Variants in ZNF224 observed in about 807,000 individuals in gnomAD.
ZNF224 encodes the protein bone marrow zinc finger 2.
ZNF224 carries 8 observed loss-of-function variants against 10.5 expected under a neutral mutation model. The observed-to-expected ratio is 0.76, with a 90% CI of 0.45 to 1.37. ZNF224 has a LOEUF of 1.37. ZNF224 is among the 40% of genes most tolerant of loss of function. ZNF224 has a pLI of 0.00. For missense variants in ZNF224, 754 were observed against 854.0 expected, an observed-to-expected ratio of 0.88 and a Z score of 1.46; for synonymous variants, 282 against 287.8, an observed-to-expected ratio of 0.98 and a Z score of 0.20.
intron 4 of ZNF224, 75 bp from the exon 5 acceptor site, chr19:44,101,058 A>G (rs1419397098): frequency 3.1e-6 from 5 of 1,610,634 alleles, no homozygotes; most frequent in Non-Finnish European, 4.2e-6. Context: ...GTAAGAACCT[A>G]AATTTCTGGT....
chr19:44,095,041 A>G, intron 1 of ZNF224: 1 of 215,288 alleles, frequency 4.6e-6, no homozygotes, highest in South Asian at 8.4e-5. Flanking sequence ...GGAGCATTTA[A>G]CTTTTATGGG....
intron 5 of ZNF224, among the ~76,000 whole-genome samples, chr19:44,101,974 C>T (rs761481249): frequency 6.6e-6 from 1 of 152,168 alleles, no homozygotes; most frequent in Non-Finnish European, 1.5e-5. Flanking sequence ...TTTGATCACT[C>T]CTGGATAATC....
At position 44,108,594 on chromosome 19, in the gene ZNF224, A is replaced by G. The variant is rs1315101377; in HGVS notation, c.*310A>G. 1.5e-5 allele frequency: 7 copies of G among 455,658 alleles called. No individual in the cohort carries two copies. The Admixed American group carries it at 1.9e-4, about 13-fold the overall frequency. 28.2% of individuals were successfully genotyped at this position (455,658 alleles called of 1,614,324 possible). ...CAGAAGTTTGATAATTACAGCTATCATTCAGGAGACAGGCCTTAGAAAGAG... is the reference window on the plus strand; with the variant it reads ...CAGAAGTTTGATAATTACAGCTATCGTTCAGGAGACAGGCCTTAGAAAGAG... On this transcript the variant is annotated 3_prime_UTR_variant, in exon 6 of 6. Transcript: ENST00000693561.
Position 44,108,308 on chromosome 19 carries a change from TTCAC to T in ZNF224, c.*28_*31del. The stretch of plus-strand genomic sequence containing the variant: ...AGTGATGTGATGGTGCAATAAAGTC[TTCAC>T]TCAGTCTTCATGAATGCAGTCTCAT... On this transcript the variant is annotated 3_prime_UTR_variant, in exon 6 of 6. Coordinates refer to ENST00000693561, the MANE Select transcript of ZNF224 (RefSeq NM_001321645.3). 6.3e-7 allele frequency: 1 copy of T among 1,579,774 alleles called. No homozygotes were observed. The highest frequency in any genetic ancestry group is 8.6e-7 in the Non-Finnish European group (1 of 1,163,490).
At chr19:44,103,701 AT>A (rs1042442080) in intron 5 of ZNF224, among the ~76,000 whole-genome samples, 1 of 150,168 alleles carries the variant, frequency 6.7e-6, no homozygotes, top group African/African-American at 2.5e-5. Context: ...TTCTTTTTTT[AT>A]TTTTTTGAGA....
rs1967782897 is a variant in ZNF224 at position 44,109,429 on chromosome 19, A to G, written c.*1145A>G. ...CAACGCTATGAAACAGGAAGAGAAA[A>G]TGGAGTTTGGTAATTTCATCAAATA... On this transcript the variant is annotated 3_prime_UTR_variant, in exon 6 of 6. Coordinates refer to ENST00000693561, the MANE Select transcript of ZNF224 (RefSeq NM_001321645.3). 1 of 152,162 alleles carries G rather than the reference A, an allele frequency of 6.6e-6. No individual in the cohort carries two copies. Among genetic ancestry groups the G allele is most frequent in the Non-Finnish European group, 1.5e-5 (1 of 68,040 alleles). 9.4% of individuals were successfully genotyped at this position (152,162 alleles called of 1,614,324 possible).
chr19:44,096,276 A>G (rs959639075), intron 1 of ZNF224, 67 bp from the exon 2 acceptor site: 1 of 152,104 alleles, frequency 6.6e-6, no homozygotes, highest in African/African-American at 2.4e-5. Flanking sequence ...AGAAATTCTT[A>G]TTTACTCTTT....
chr19:44,100,047 A>G (rs2147525425), intron 3 of ZNF224, among the ~76,000 whole-genome samples: 1 of 152,328 alleles, frequency 6.6e-6, no homozygotes, highest in South Asian at 2.1e-4. Flanking sequence ...ACAATAATTG[A>G]CAAAAATAAA....
rs182800866 is a variant in ZNF224 at position 44,101,732 on chromosome 19, A to T, written c.235+507A>T. Among the ~76,000 whole-genome samples the T allele has an allele frequency of 1.7e-3, 266 of 152,282 alleles. 3 individuals are homozygous for T. The South Asian group carries it at 0.03, about 17-fold the overall frequency. On this transcript the variant is annotated intron_variant, in intron 5 of 5. Coordinates refer to ENST00000693561, the MANE Select transcript of ZNF224 (RefSeq NM_001321645.3). Reference sequence around the variant, plus strand: ...TTGTGTTCTTTAGGGATGAAGTCTGATACATCTCACTGGGCAATTATCAAG... The same window carrying T: ...TTGTGTTCTTTAGGGATGAAGTCTGTTACATCTCACTGGGCAATTATCAAG...
Position 44,108,657 on chromosome 19 carries a change from G to A in ZNF224, c.*373G>A. Reference sequence around the variant, plus strand: ...AATTTACCAGACTAATGGTGGACATGTCCAAATTGATGTCCACTAGAATGT... The same window carrying A: ...AATTTACCAGACTAATGGTGGACATATCCAAATTGATGTCCACTAGAATGT... On this transcript the variant is annotated 3_prime_UTR_variant, in exon 6 of 6. Transcript: ENST00000693561. 1.9e-6 allele frequency: 1 copy of A among 518,686 alleles called. No homozygotes were observed. The highest frequency in any genetic ancestry group is 1.4e-5 in the South Asian group (1 of 70,506). 32.1% of individuals were successfully genotyped at this position (518,686 alleles called of 1,614,324 possible). A position where few individuals can be genotyped will look rare whatever the true frequency, so the allele number is the denominator to read the frequency against.
chr19:44,100,721 C>A, intron 3 of ZNF224, 80 bp from the exon 4 acceptor site: 1 of 1,512,724 alleles, frequency 6.6e-7, no homozygotes, highest in Middle Eastern at 1.8e-4. Flanking sequence ...TCCCACCCCT[C>A]CCCTCTGTCT....
At chr19:44,106,351 C>A in intron 5 of ZNF224, 45 bp from the exon 6 acceptor site, 1 of 1,598,716 alleles carries the variant, frequency 6.3e-7, no homozygotes, top group East Asian at 2.2e-5. Context: ...TAACACTGAA[C>A]AAAGGCTTCA....
rs371622770 is a variant in ZNF224 at position 44,107,192 on chromosome 19, C to G, written c.1032C>G (p.Tyr344Ter). The G allele has an allele frequency of 6.2e-7, 1 of 1,605,818 alleles. No homozygotes were observed. The highest frequency in any genetic ancestry group is 1.1e-5 in the South Asian group (1 of 89,750). The stretch of plus-strand genomic sequence containing the variant: ...TGATCCACACAGGAGAGAAACCATA[C>G]AAATGTGAGGAGTGTGGAAAAGGCT... ...HRMIHTGEKP[Y>*]KCEECGKGFI... The change falls in exon 6 of 6, where the codon TAC becomes TAG. Residue 344 changes from tyrosine (Y) to a stop codon, truncating the protein, a stop_gained. Coordinates refer to ENST00000693561, the MANE Select transcript of ZNF224 (RefSeq NM_001321645.3). LOFTEE classifies it low-confidence loss of function (END_TRUNC).
rs565275124 is a variant in ZNF224, at chr19:44,108,649, G to A, written c.*365G>A. On this transcript the variant is annotated 3_prime_UTR_variant, in exon 6 of 6. Coordinates refer to ENST00000693561, the MANE Select transcript of ZNF224 (RefSeq NM_001321645.3). ...AGTTCATGAATTTACCAGACTAATG[G>A]TGGACATGTCCAAATTGATGTCCAC... is the stretch of plus-strand genomic sequence containing the variant. 1.6e-5 allele frequency: 8 copies of A among 514,078 alleles called. No individual in the cohort carries two copies. Among genetic ancestry groups the A allele is most frequent in the South Asian group, 1.1e-4 (8 of 70,058 alleles). 31.8% of individuals were successfully genotyped at this position (514,078 alleles called of 1,614,324 possible). A position where few individuals can be genotyped will look rare whatever the true frequency, so the allele number is the denominator to read the frequency against.
chr19:44,106,422 A>T lies in ZNF224; in HGVS notation c.262A>T (p.Thr88Ser). ...SGDKIQTEMETVSEAGTHQEW... is the reference protein window; with the variant it reads ...SGDKIQTEMESVSEAGTHQEW... ...AGACAAGATCCAAACTGAGATGGAG[A>T]CTGTTTCAGAAGCAGGAACACATCA... The change falls in exon 6 of 6, where the codon ACT becomes TCT. Residue 88 changes from threonine to serine, a missense_variant. Physicochemically the swap from Thr to Ser is moderately conservative, Grantham distance 58. Coordinates refer to ENST00000693561, the MANE Select transcript of ZNF224 (RefSeq NM_001321645.3). The T allele has an allele frequency of 6.2e-7, 1 of 1,614,138 alleles. No homozygotes were observed. Among genetic ancestry groups the T allele is most frequent in the Non-Finnish European group, 8.5e-7 (1 of 1,180,006 alleles).
At position 44,106,768 on chromosome 19, in the gene ZNF224, G is replaced by A; in HGVS notation, c.608G>A (p.Cys203Tyr). Residue 203 changes from cysteine (C) to tyrosine (Y), a missense_variant, in exon 6 of 6, where the codon TGC becomes TAC. Coordinates refer to ENST00000693561, the MANE Select transcript of ZNF224 (RefSeq NM_001321645.3). ...CAGAGAGTCCACATGGGAGAGAAAT[G>A]CTATAAGTGTGACGTGTGTGGTAAG... ...IHQRVHMGEK[C>Y]YKCDVCGKEF... The A allele has an allele frequency of 6.2e-7, 1 of 1,613,374 alleles. No homozygotes were observed. The highest frequency in any genetic ancestry group is 1.1e-5 in the South Asian group (1 of 91,046).
intron 5 of ZNF224, among the ~76,000 whole-genome samples, chr19:44,103,656 TTATC>T (rs1488647596): frequency 6.6e-6 from 1 of 152,150 alleles, no homozygotes; most frequent in Non-Finnish European, 1.5e-5. Flanking sequence ...AAAGGAGTAT[TTATC>T]TATATCATAT....
intron 3 of ZNF224, among the ~76,000 whole-genome samples, chr19:44,100,295 T>C (rs1041199588): frequency 1.6e-4 from 25 of 152,318 alleles, no homozygotes; most frequent in African/African-American, 6.0e-4. Context: ...AATTAATGTA[T>C]GTAGTTTTTG....
intron 5 of ZNF224, among the ~76,000 whole-genome samples, chr19:44,102,914 A>G (rs1039274918): frequency 1.3e-5 from 2 of 152,170 alleles, no homozygotes; most frequent in Admixed American, 6.5e-5. Context: ...TTGCCTTTCC[A>G]AAGTCTGCAT....
Sources: gnomAD v4.1 joint callset for allele counts (sites outside exome capture counted in the v4.1 genomes callset) on GRCh38, gnomAD v4.1.1 for gene constraint, MANE v1.5 for transcripts, NCBI Gene and HGNC (gene_info 2026-07-23, HGNC 2026-07-21) for gene names.